Variants in MTHFD2L observed in about 807,000 individuals in gnomAD.
MTHFD2L encodes the protein bifunctional methylenetetrahydrofolate dehydrogenase/cyclohydrolase 2, mitochondrial.
A neutral mutation model predicts 34.9 loss-of-function variants in MTHFD2L; 29 were observed. That is an observed-to-expected ratio of 0.83 (90% CI 0.62 to 1.13). The LOEUF (loss-of-function observed/expected upper bound fraction) is 1.13. Ranked by LOEUF, MTHFD2L falls within the 50% of genes most tolerant of loss-of-function variation. The pLI is 0.00. For missense variants in MTHFD2L, 481 were observed against 446.5 expected (o/e 1.08, Z -0.70); for synonymous variants, 167 against 155.7 (o/e 1.07, Z -0.54).
rs1465752044 is a variant in MTHFD2L at position 74,199,729 on chromosome 4, T to G, written c.452-65T>G. On this transcript the variant is annotated intron_variant, in intron 3 of 7. Transcript: ENST00000325278. ...GTGATGTGGCTTTAGATTCTCAGATTTCATTTTTCAGGCTACCAAATAAAT... is the reference window on the plus strand; with the variant it reads ...GTGATGTGGCTTTAGATTCTCAGATGTCATTTTTCAGGCTACCAAATAAAT... 5 of 1,397,572 alleles carry G rather than the reference T, an allele frequency of 3.6e-6. No homozygotes were observed. The African/African-American group carries it at 7.3e-5, about 20-fold the overall frequency. 86.6% of individuals were successfully genotyped at this position (1,397,572 alleles called of 1,614,324 possible).
intron 6 of MTHFD2L, among the ~76,000 whole-genome samples, chr4:74,236,585 T>C (rs1219015169): frequency 1.3e-5 from 2 of 152,218 alleles, no homozygotes; most frequent in Non-Finnish European, 2.9e-5. Context: ...CACGCCAGGG[T>C]CTACATTGCT....
At chr4:74,240,656 C>G (rs971202967) in intron 6 of MTHFD2L, among the ~76,000 whole-genome samples, 12 of 152,134 alleles carry the variant, frequency 7.9e-5, no homozygotes, top group Non-Finnish European at 1.6e-4. Flanking sequence ...GACGTTATCT[C>G]TGGTAGATAA....
chr4:74,152,156 T>C lies in MTHFD2L; in HGVS notation c.-296-7899T>C, dbSNP rs1223771728. Among the ~76,000 whole-genome samples, 5 of 152,180 alleles carry C rather than the reference T, an allele frequency of 3.3e-5. No homozygotes were observed. The East Asian group carries it at 9.6e-4, about 29-fold the overall frequency. On this transcript the variant is annotated intron_variant, in intron 1 of 7. Transcript: ENST00000433372. The stretch of plus-strand genomic sequence containing the variant: ...CTAATAATTACATTTATCAGTTATA[T>C]TGTTCAATAGTTTTCTTTTTTTGTA...
chr4:74,158,790 T>G (rs963037713), intron 1 of MTHFD2L, among the ~76,000 whole-genome samples: 1 of 152,220 alleles, frequency 6.6e-6, no homozygotes, highest in Non-Finnish European at 1.5e-5. Context: ...AGTCTTTTCA[T>G]GTATGGCTCT....
At chr4:74,123,985 A>T (rs1288572910), upstream of MTHFD2L, among the ~76,000 whole-genome samples, 1 of 152,106 alleles carries the variant, frequency 6.6e-6, no homozygotes, top group African/African-American at 2.4e-5. Flanking sequence ...AAAATTCACA[A>T]CTTGTCCTAT....
chr4:74,245,194 C>CAAAA (rs57639523), intron 6 of MTHFD2L, among the ~76,000 whole-genome samples: 23 of 66,392 alleles, frequency 3.5e-4, no homozygotes, highest in African/African-American at 1.0e-3. Flanking sequence ...GACTCAGTCT[C>CAAAA]AAAAAAAAAA....
intron 1 of MTHFD2L, among the ~76,000 whole-genome samples, chr4:74,165,602 C>T (rs1421059561): frequency 3.3e-5 from 5 of 152,186 alleles, no homozygotes; most frequent in African/African-American, 1.2e-4. Context: ...GTGATCCACC[C>T]GCCTCGGCCC....
In MTHFD2L at chr4:74,215,976, A is replaced by C. The variant is rs573222427; in HGVS notation, c.713-9326A>C. ...TGAGAGCTTGTTAGCAGGAAAAAAAAAAATGACAGTTATCCAATGAATTGT... is the reference window on the plus strand; with the variant it reads ...TGAGAGCTTGTTAGCAGGAAAAAAACAAATGACAGTTATCCAATGAATTGT... On this transcript the variant is annotated intron_variant, in intron 5 of 7. Transcript: ENST00000325278. Among the ~76,000 whole-genome samples, 3 of 151,930 alleles carry C rather than the reference A, an allele frequency of 2.0e-5. No individual in the cohort carries two copies. The East Asian group carries it at 5.8e-4, about 29-fold the overall frequency.
At chr4:74,190,994 G>C (rs1393868148) in intron 3 of MTHFD2L, among the ~76,000 whole-genome samples, 5 of 152,182 alleles carry the variant, frequency 3.3e-5, no homozygotes, top group African/African-American at 9.6e-5. Flanking sequence ...TCTGCCTCCT[G>C]GGTTCAAGTG....
At chr4:74,257,209 T>C (rs1450137887) in intron 6 of MTHFD2L, among the ~76,000 whole-genome samples, 2 of 152,202 alleles carry the variant, frequency 1.3e-5, no homozygotes, top group African/African-American at 4.8e-5. Context: ...GTATTTTGTA[T>C]GTGCTTGGCT....
chr4:74,145,085 A>G (rs777484662), intron 1 of MTHFD2L, among the ~76,000 whole-genome samples: 43 of 152,080 alleles, frequency 2.8e-4, no homozygotes, highest in Non-Finnish European at 4.3e-4. Context: ...CTTGAAATAG[A>G]GAAAGATTGC....
Position 74,281,481 on chromosome 4 carries a change from G to A in MTHFD2L, c.862G>A (p.Val288Met), listed in dbSNP as rs200530017. 228 of 1,612,562 alleles carry A rather than the reference G, an allele frequency of 1.4e-4. No homozygotes were observed. Among genetic ancestry groups the A allele is most frequent in the Non-Finnish European group, 1.8e-4 (214 of 1,179,122 alleles). Residue 288 changes from valine to methionine, a missense_variant, in exon 7 of 8, where the codon GTG (valine) becomes ATG (methionine). Coordinates refer to ENST00000325278, the MANE Select transcript of MTHFD2L (RefSeq NM_001144978.3). ...TAAAGAAGGTGCTGCTGTAATTGAT[G>A]TGGGTATCAACTATGTCCACGATCC... Reference protein sequence around the residue: ...MVKEGAAVIDVGINYVHDPVT... With the variant: ...MVKEGAAVIDMGINYVHDPVT...
chr4:74,190,455 C>G lies in MTHFD2L; in HGVS notation c.452-9339C>G, dbSNP rs150473521. 85 of 985,148 alleles carry G rather than the reference C, an allele frequency of 8.6e-5. No individual in the cohort carries two copies. In the African/African-American group the frequency reaches 1.4e-3, roughly 17 times the overall value. 61.0% of individuals were successfully genotyped at this position (985,148 alleles called of 1,614,324 possible). ...CCTGAGGACATCCTGGGGCAGTTTT[C>G]GTGGCTGTAGGAGAGGCTCAGAAGG... On this transcript the variant is annotated intron_variant, in intron 3 of 7. Transcript: ENST00000325278.
chr4:74,216,848 C>T (rs1737291928), intron 5 of MTHFD2L, among the ~76,000 whole-genome samples: 2 of 151,802 alleles, frequency 1.3e-5, no homozygotes, highest in South Asian at 4.1e-4. Flanking sequence ...TTCTATTTCT[C>T]ACTTGGAACA....
At chr4:74,231,078 T>C (rs184140890) in intron 6 of MTHFD2L, among the ~76,000 whole-genome samples, 2 of 152,264 alleles carry the variant, frequency 1.3e-5, no homozygotes, top group East Asian at 3.9e-4. Context: ...ACCTTCACAG[T>C]TGTAACTTTA....
chr4:74,229,327 T>G (rs1191411857), intron 6 of MTHFD2L, among the ~76,000 whole-genome samples: 1 of 152,178 alleles, frequency 6.6e-6, no homozygotes, highest in Non-Finnish European at 1.5e-5. Context: ...GACCATATCA[T>G]GCATTGTGTG....
intron 6 of MTHFD2L, among the ~76,000 whole-genome samples, chr4:74,261,843 C>T (rs1400282321): frequency 2.0e-5 from 3 of 152,008 alleles, no homozygotes; most frequent in Admixed American, 1.3e-4. Context: ...GCTCTCTGTT[C>T]CTCAGTTTCC....
intron 6 of MTHFD2L, among the ~76,000 whole-genome samples, chr4:74,233,756 A>G (rs1307610405): frequency 1.3e-5 from 2 of 151,978 alleles, no homozygotes; most frequent in African/African-American, 4.8e-5. Flanking sequence ...AACCATCACA[A>G]AGTTTTATTT....
chr4:74,201,651 A>G (rs537581586), intron 5 of MTHFD2L, among the ~76,000 whole-genome samples: 1 of 151,908 alleles, frequency 6.6e-6, no homozygotes, highest in East Asian at 1.9e-4. Context: ...ACTAGATACA[A>G]AAGATTCACA....
Sources: gnomAD v4.1 joint callset for allele counts (sites outside exome capture counted in the v4.1 genomes callset) on GRCh38, gnomAD v4.1.1 for gene constraint, MANE v1.5 for transcripts, NCBI Gene and HGNC (gene_info 2026-07-23, HGNC 2026-07-21) for gene names.